ATP8A2: variants seen among roughly 807,000 people sequenced by gnomAD.
ATP8A2 encodes the protein ATPase phospholipid transporting 8A2, also known as phospholipid-transporting ATPase IB.
In ATP8A2, 100 loss-of-function variants were observed where a neutral mutation model predicts 165.6. The ratio of observed to expected loss-of-function variants is 0.60; its 90% confidence interval spans 0.51 to 0.71. The LOEUF (loss-of-function observed/expected upper bound fraction) is 0.71, where lower values mean the gene tolerates loss of function less well. ATP8A2 is among the 30% of genes least tolerant of loss of function. ATP8A2 has a pLI of 0.00. For synonymous variants in ATP8A2, 543 were observed against 548.8 expected (o/e 0.99, Z 0.15); for missense variants, 1,227 against 1,479.5 (o/e 0.83, Z 2.80).
intron 33 of ATP8A2, among the ~76,000 whole-genome samples, chr13:25,897,799 T>C (rs908195599): frequency 6.6e-6 from 1 of 152,256 alleles, no homozygotes; most frequent in South Asian, 2.1e-4. Context: ...CTTCCATCGC[T>C]GATACCCTTT....
chr13:25,417,593 T>G (rs1300365373), intron 1 of ATP8A2, among the ~76,000 whole-genome samples: 1 of 152,228 alleles, frequency 6.6e-6, no homozygotes, highest in Non-Finnish European at 1.5e-5. Flanking sequence ...TTTAGACTTG[T>G]TAGGATAATT....
intron 15 of ATP8A2, among the ~76,000 whole-genome samples, chr13:25,562,719 G>GC (rs60342340): frequency 0.7 from 107,061 of 152,140 alleles, 38,814 homozygotes; most frequent in African/African-American, 0.77. Context: ...TTGGGAGGAT[G>GC]CCTAACCTAT....
chr13:25,865,666 A>G (rs987828978), intron 33 of ATP8A2, among the ~76,000 whole-genome samples: 2 of 152,198 alleles, frequency 1.3e-5, no homozygotes, highest in Non-Finnish European at 2.9e-5. Context: ...TCTTCCCTAA[A>G]TCACCTCATG....
chr13:25,640,506 G>A (rs2041490410), intron 24 of ATP8A2, among the ~76,000 whole-genome samples: 1 of 152,194 alleles, frequency 6.6e-6, no homozygotes, highest in African/African-American at 2.4e-5. Context: ...AAGTCTAGAA[G>A]AAATGGATAA....
At chr13:25,982,748 A>C (rs1023103659) in intron 35 of ATP8A2, among the ~76,000 whole-genome samples, 7 of 152,220 alleles carry the variant, frequency 4.6e-5, no homozygotes, top group Non-Finnish European at 7.3e-5. Context: ...ACAATTTATT[A>C]ATCTTTGTAA....
At chr13:25,737,673 T>C (rs548814382) in intron 25 of ATP8A2, among the ~76,000 whole-genome samples, 1 of 151,926 alleles carries the variant, frequency 6.6e-6, no homozygotes, top group African/African-American at 2.4e-5. Flanking sequence ...TTTTTTATTT[T>C]TATTTTATTA....
In ATP8A2 at chr13:25,530,099, G is replaced by A. The variant is rs757372177; in HGVS notation, c.321+1G>A. The A allele has an allele frequency of 1.9e-6, 3 of 1,576,594 alleles. No homozygotes were observed. The highest frequency in any genetic ancestry group is 2.6e-6 in the Non-Finnish European group (3 of 1,149,188). On this transcript the variant is annotated splice_donor_variant, in intron 3 of 36. Transcript: ENST00000381655. LOFTEE classifies it high-confidence loss of function. ...CTTTCTCTTCATTGCCTTATTACAG[G>A]TAATGGTTTTTTAACAGTTCCTTGG...
chr13:25,434,419 G>T (rs1257489343), intron 1 of ATP8A2, among the ~76,000 whole-genome samples: 2 of 151,898 alleles, frequency 1.3e-5, no homozygotes, highest in African/African-American at 4.8e-5. Context: ...CGTTATCTTG[G>T]CTCACTGCAA....
chr13:25,557,515 G>T (rs771617827), intron 13 of ATP8A2, among the ~76,000 whole-genome samples: 17 of 152,050 alleles, frequency 1.1e-4, no homozygotes, highest in Non-Finnish European at 2.1e-4. Context: ...TTCCGGGCTT[G>T]GTTAGTCTGT....
chr13:25,640,825 C>T (rs1333701196), intron 24 of ATP8A2, among the ~76,000 whole-genome samples: 1 of 152,130 alleles, frequency 6.6e-6, no homozygotes, highest in East Asian at 1.9e-4. Context: ...AGACCAATAT[C>T]CCTGATGAAC....
chr13:25,862,635 C>T (rs1952392269), intron 33 of ATP8A2, among the ~76,000 whole-genome samples: 1 of 152,214 alleles, frequency 6.6e-6, no homozygotes, highest in Non-Finnish European at 1.5e-5. Flanking sequence ...ATTATGAAAA[C>T]TGTCAACTTA....
intron 2 of ATP8A2, among the ~76,000 whole-genome samples, chr13:25,507,457 G>T (rs1593422864): frequency 6.6e-6 from 1 of 151,796 alleles, no homozygotes; most frequent in Admixed American, 6.6e-5. Context: ...GTAGAGAGAG[G>T]GTTTCACCAT....
At chr13:25,914,698 C>A (rs184227990) in intron 33 of ATP8A2, among the ~76,000 whole-genome samples, 3 of 152,176 alleles carry the variant, frequency 2.0e-5, no homozygotes, top group Non-Finnish European at 4.4e-5. Flanking sequence ...TATGGTACAC[C>A]CCTGTCACTG....
intron 27 of ATP8A2, among the ~76,000 whole-genome samples, chr13:25,802,840 T>G (rs1303117880): frequency 1.3e-5 from 2 of 152,240 alleles, no homozygotes; most frequent in African/African-American, 4.8e-5. Context: ...GAGGTGCAAG[T>G]TACTAGAACC....
At chr13:25,389,303 T>A (rs1469947361) in intron 1 of ATP8A2, among the ~76,000 whole-genome samples, 3 of 152,136 alleles carry the variant, frequency 2.0e-5, no homozygotes, top group Admixed American at 2.0e-4. Context: ...TGTCATATTT[T>A]CCCCCCTAAA....
chr13:25,780,992 A>G (rs538523605), intron 27 of ATP8A2, among the ~76,000 whole-genome samples: 1 of 152,148 alleles, frequency 6.6e-6, no homozygotes, highest in African/African-American at 2.4e-5. Context: ...GTGTCTTCGA[A>G]TTCTCACGCC....
At chr13:25,400,919 G>C (rs2033616316) in intron 1 of ATP8A2, among the ~76,000 whole-genome samples, 3 of 152,182 alleles carry the variant, frequency 2.0e-5, no homozygotes, top group Admixed American at 6.5e-5. Flanking sequence ...TCAACAACAG[G>C]AAGGATGTAT....
rs555353248 is a variant in ATP8A2, at chr13:25,675,308, A to C, written c.2212-23865A>C. The stretch of plus-strand genomic sequence containing the variant: ...TGGGGGCCACTGCTCAGCAGTTGTC[A>C]ATCTTTAAGTGCTTAAAAATGTCTA... On this transcript the variant is annotated intron_variant, in intron 24 of 36. Transcript: ENST00000381655. Among the ~76,000 whole-genome samples, 254 of 152,352 alleles carry C rather than the reference A, an allele frequency of 1.7e-3. 1 individual carries two copies. Among genetic ancestry groups the C allele is most frequent in the African/African-American group, 5.9e-3 (244 of 41,586 alleles).
chr13:25,502,431 C>G (rs917425346), intron 2 of ATP8A2, among the ~76,000 whole-genome samples: 5 of 152,090 alleles, frequency 3.3e-5, no homozygotes, highest in African/African-American at 1.2e-4. Flanking sequence ...TGCCAGTGGG[C>G]GTGTGTTCGT....
Sources: gnomAD v4.1 joint callset for allele counts (sites outside exome capture counted in the v4.1 genomes callset) on GRCh38, gnomAD v4.1.1 for gene constraint, MANE v1.5 for transcripts, NCBI Gene and HGNC (gene_info 2026-07-23, HGNC 2026-07-21) for gene names.